Variants in SUV39H2 observed in about 807,000 individuals in gnomAD.
SUV39H2 encodes the protein SUV39H2 histone lysine methyltransferase, also known as histone-lysine N-methyltransferase SUV39H2.
A neutral mutation model predicts 47.5 loss-of-function variants in SUV39H2; 10 were observed. The ratio of observed to expected loss-of-function variants is 0.21; its 90% CI spans 0.13 to 0.36. The LOEUF (loss-of-function observed/expected upper bound fraction) is 0.36. SUV39H2 is among the 10% of genes least tolerant of loss of function. SUV39H2 has a pLI of 1.00. For missense variants in SUV39H2, 266 were observed against 487.4 expected (o/e 0.55, Z 4.28); for synonymous variants, 159 against 166.8 (o/e 0.95, Z 0.36).
Position 14,902,709 on chromosome 10 carries a change from C to T in SUV39H2, c.*197C>T, listed in dbSNP as rs894321647. On this transcript the variant is annotated 3_prime_UTR_variant, in exon 6 of 6. Coordinates refer to ENST00000354919, the MANE Select transcript of SUV39H2 (RefSeq NM_001193424.2). ...TGGGTCTCATAGACTGATATGAAGT[C>T]GACATATTTATAGTGCTTAGAGACC... 12 of 411,950 alleles carry T rather than the reference C, an allele frequency of 2.9e-5. No homozygotes were observed. The highest frequency in any genetic ancestry group is 8.1e-5 in the African/African-American group (4 of 49,510). The allele number at this position is 411,950 out of a possible 1,614,324, so 25.5% of individuals were successfully genotyped here. A position where few individuals can be genotyped will look rare whatever the true frequency, so the allele number is the denominator to read the frequency against.
Position 14,896,898 on chromosome 10 carries a change from C to A in SUV39H2, c.230C>A (p.Thr77Asn). Reference protein sequence around the residue: ...KWKGWPDSTNTWEPLQNLKCP... With the variant: ...KWKGWPDSTNNWEPLQNLKCP... ...AAAGGATGGCCAGATTCTACAAATA[C>A]TTGGGAACCTTTGCAAAATCTGAAG... is the stretch of plus-strand genomic sequence containing the variant. Residue 77 changes from threonine to asparagine, a missense_variant, in exon 3 of 6, where the codon ACT (threonine) becomes AAT (asparagine). Thr to Asn is a moderately conservative substitution (Grantham distance 65). This residue lies in a region of SUV39H2 where 32 missense variants were observed against 77.2 expected (regional missense o/e 0.41). Transcript: ENST00000354919. 3 of 1,611,514 alleles carry A rather than the reference C, an allele frequency of 1.9e-6. No individual in the cohort carries two copies. The highest frequency in any genetic ancestry group is 2.5e-6 in the Non-Finnish European group (3 of 1,178,334).
Position 14,878,975 on chromosome 10 carries a change from C to T in SUV39H2, c.31+56C>T, listed in dbSNP as rs1832955151. 5.1e-6 allele frequency: 7 copies of T among 1,371,832 alleles called. No homozygotes were observed. The East Asian group carries it at 1.9e-4, about 37-fold the overall frequency. 85.0% of individuals were successfully genotyped at this position (1,371,832 alleles called of 1,614,324 possible). ...CCTGTTCCCAGGCAAGCTCCCAAGG[C>T]CCGGGCGGCGGGGCCGTCCCGCGGG... On this transcript the variant is annotated intron_variant, in intron 1 of 5. Transcript: ENST00000354919.
intron 2 of SUV39H2, among the ~76,000 whole-genome samples, chr10:14,890,319 T>G (rs1410149332): frequency 1.3e-5 from 2 of 152,222 alleles, no homozygotes; most frequent in Non-Finnish European, 2.9e-5. Context: ...GCATGAAAAT[T>G]CAGTGATTTT....
intron 4 of SUV39H2, 81 bp from the exon 5 acceptor site, chr10:14,901,052 G>C: frequency 6.6e-7 from 1 of 1,523,352 alleles, no homozygotes; most frequent in Non-Finnish European, 8.9e-7. Context: ...AAATCTCTAG[G>C]AAAGTAAACA....
chr10:14,901,053 A>G, intron 4 of SUV39H2, 80 bp from the exon 5 acceptor site: 1 of 1,530,290 alleles, frequency 6.5e-7, no homozygotes, highest in Non-Finnish European at 8.8e-7. Context: ...AATCTCTAGG[A>G]AAGTAAACAT....
At chr10:14,902,312 C>A in intron 5 of SUV39H2, 94 bp from the exon 6 acceptor site, 10 of 773,270 alleles carry the variant, frequency 1.3e-5, no homozygotes, top group Non-Finnish European at 1.6e-5. Context: ...TACCCTCTAT[C>A]ACTGATAATA....
intron 2 of SUV39H2, among the ~76,000 whole-genome samples, chr10:14,895,882 G>T (rs1468530087): frequency 6.8e-6 from 1 of 146,738 alleles, no homozygotes; most frequent in Non-Finnish European, 1.5e-5. Flanking sequence ...TCTTTTTTTT[G>T]TATGATACAA....
chr10:14,884,278 T>TA (rs1833137758), intron 2 of SUV39H2, among the ~76,000 whole-genome samples: 1 of 152,230 alleles, frequency 6.6e-6, no homozygotes, highest in African/African-American at 2.4e-5. Context: ...CACTGCATTT[T>TA]ACATTTCCAC....
chr10:14,894,154 TGAAAGGAGGAA>T (rs1406388123), intron 2 of SUV39H2, among the ~76,000 whole-genome samples: 1 of 151,750 alleles, frequency 6.6e-6, no homozygotes, highest in Non-Finnish European at 1.5e-5. Flanking sequence ...AGCGGTCACC[TGAAAGGAGGAA>T]GAAATCCTTA....
In SUV39H2 at chr10:14,893,071, A is replaced by C. The variant is rs113741685; in HGVS notation, c.178-3775A>C. On this transcript the variant is annotated intron_variant, in intron 2 of 5. Coordinates refer to ENST00000354919, the MANE Select transcript of SUV39H2 (RefSeq NM_001193424.2). The stretch of plus-strand genomic sequence containing the variant: ...AGGCTGGAGTGCAGTGGCGCAATCT[A>C]GGCTCACTGCAGGCTCCGCCCCCTG... Among the ~76,000 whole-genome samples, 72 of 138,564 alleles carry C rather than the reference A, an allele frequency of 5.2e-4. 1 individual carries two copies. Among genetic ancestry groups the C allele is most frequent in the African/African-American group, 1.7e-3 (63 of 36,860 alleles). The allele number at this position is 138,564 out of a possible 152,430, so 90.9% of individuals were successfully genotyped here.
rs773335682 is a variant in SUV39H2 at position 14,896,923 on chromosome 10, G to A, written c.255G>A (p.Lys85=). ...CTTGGGAACCTTTGCAAAATCTGAAGTGCCCGTTACTGCTTCAGCAATTCT... is the reference window on the plus strand; with the variant it reads ...CTTGGGAACCTTTGCAAAATCTGAAATGCCCGTTACTGCTTCAGCAATTCT... ...TNTWEPLQNL[K]CPLLLQQFSN... is the part of the protein sequence containing the mutation. Residue 85 remains lysine, a synonymous_variant, in exon 3 of 6, where the codon AAG becomes AAA. Coordinates refer to ENST00000354919, the MANE Select transcript of SUV39H2 (RefSeq NM_001193424.2). 3.7e-6 allele frequency: 6 copies of A among 1,613,452 alleles called. No individual in the cohort carries two copies. Among genetic ancestry groups the A allele is most frequent in the South Asian group, 2.2e-5 (2 of 90,946 alleles).
intron 2 of SUV39H2, among the ~76,000 whole-genome samples, chr10:14,882,375 A>T (rs1833063883): frequency 6.6e-6 from 1 of 152,180 alleles, no homozygotes. Context: ...TTCTATATTG[A>T]ATCAGTCACT....
rs556051168 is a variant in SUV39H2, at chr10:14,903,718, A to G, written c.*1206A>G. On this transcript the variant is annotated 3_prime_UTR_variant, in exon 6 of 6. Coordinates refer to ENST00000354919, the MANE Select transcript of SUV39H2 (RefSeq NM_001193424.2). ...GAATCTCAGGAAAAACTATTCTTTC[A>G]TGTCTGATTCTGAGATTTCTAATTG... 6.6e-6 allele frequency: 1 copy of G among 152,312 alleles called. No homozygotes were observed. Among genetic ancestry groups the G allele is most frequent in the Non-Finnish European group, 1.5e-5 (1 of 68,018 alleles). The allele number at this position is 152,312 out of a possible 1,614,324, so 9.4% of individuals were successfully genotyped here.
chr10:14,887,624 C>T (rs1233628994), intron 2 of SUV39H2, among the ~76,000 whole-genome samples: 3 of 152,134 alleles, frequency 2.0e-5, no homozygotes, highest in Non-Finnish European at 4.4e-5. Context: ...GGAGTGGATG[C>T]AGTTTCCTGT....
intron 2 of SUV39H2, among the ~76,000 whole-genome samples, chr10:14,882,556 T>C (rs1038631795): frequency 6.6e-6 from 1 of 152,208 alleles, no homozygotes; most frequent in Admixed American, 6.5e-5. Context: ...GAGAATATTA[T>C]ACAATCATGC....
In SUV39H2 at chr10:14,899,598, G is replaced by A. The variant is rs190174096; in HGVS notation, c.909G>A (p.Thr303=). The change falls in exon 4 of 6, where the codon ACG becomes ACA. Residue 303 remains threonine, a synonymous_variant. Transcript: ENST00000354919. ...AGTTCTATGACAACAAGGGAATCAC[G>A]TATCTCTTTGATCTGGACTATGAGT... The part of the protein sequence containing the change: ...RGQFYDNKGI[T]YLFDLDYESD... 4.5e-5 allele frequency: 73 copies of A among 1,614,126 alleles called. 1 individual carries two copies. Among genetic ancestry groups the A allele is most frequent in the East Asian group, 2.0e-4 (9 of 44,878 alleles).
chr10:14,902,620 T>C lies in SUV39H2; in HGVS notation c.*108T>C, dbSNP rs1834102071. On this transcript the variant is annotated 3_prime_UTR_variant, in exon 6 of 6. Coordinates refer to ENST00000354919, the MANE Select transcript of SUV39H2 (RefSeq NM_001193424.2). ...ATTATCAAGGTTCTACCTATGTTAA[T>C]TTACAATTCATGTTTCAAGACATTT... The C allele has an allele frequency of 1.4e-6, 1 of 703,852 alleles. No individual in the cohort carries two copies. Among genetic ancestry groups the C allele is most frequent in the East Asian group, 3.0e-5 (1 of 33,560 alleles). 43.6% of individuals were successfully genotyped at this position (703,852 alleles called of 1,614,324 possible).
At chr10:14,882,230 A>G (rs796221530) in intron 2 of SUV39H2, among the ~76,000 whole-genome samples, 6 of 152,304 alleles carry the variant, frequency 3.9e-5, no homozygotes, top group African/African-American at 1.4e-4. Context: ...TTTGATCTAA[A>G]CTGTATATTT....
At chr10:14,890,186 A>G (rs1370337347) in intron 2 of SUV39H2, among the ~76,000 whole-genome samples, 5 of 152,218 alleles carry the variant, frequency 3.3e-5, no homozygotes, top group East Asian at 3.9e-4. Flanking sequence ...TTATACTACA[A>G]CCTGTATTTG....
Sources: allele counts gnomAD v4.1 joint callset (sites outside exome capture counted in the v4.1 genomes callset), GRCh38; gene constraint gnomAD v4.1.1; regional missense constraint gnomAD v4.1.1; transcripts MANE v1.5; gene names NCBI Gene and HGNC (gene_info 2026-07-23, HGNC 2026-07-21).